Variants in PPARG observed in about 807,000 individuals in gnomAD.
PPARG encodes peroxisome proliferator-activated receptor gamma.
A neutral mutation model predicts 39.2 loss-of-function variants in PPARG; 17 were observed. The observed-to-expected ratio is 0.43, with a 90% CI of 0.30 to 0.65. The LOEUF (loss-of-function observed/expected upper bound fraction) is 0.65. Ranked by LOEUF, PPARG falls within the 30% of genes least tolerant of loss-of-function variation. PPARG has a pLI of 0.13. For synonymous variants in PPARG, 223 were observed against 215.7 expected (o/e 1.03, Z -0.30); for missense variants, 406 against 585.9 (o/e 0.69, Z 3.17).
intron 1 of PPARG, among the ~76,000 whole-genome samples, chr3:12,295,557 A>G (rs1342952346): frequency 6.7e-6 from 1 of 150,216 alleles, no homozygotes; most frequent in Non-Finnish European, 1.5e-5. Context: ...CTTGTTGCCC[A>G]GGTTGGAGTG....
intron 2 of PPARG, among the ~76,000 whole-genome samples, chr3:12,320,131 G>A (rs575909150): frequency 1.3e-5 from 2 of 152,294 alleles, no homozygotes; most frequent in Admixed American, 1.3e-4. Flanking sequence ...TTTGCAGTAA[G>A]GATTGATTGT....
chr3:12,386,026 A>G (rs1295914923), intron 4 of PPARG, among the ~76,000 whole-genome samples: 7 of 152,172 alleles, frequency 4.6e-5, no homozygotes, highest in African/African-American at 1.2e-4. Flanking sequence ...ACACAAAACA[A>G]TTTTCTCAGA....
At chr3:12,328,279 G>C in intron 2 of PPARG, 1 of 1,466,168 alleles carries the variant, frequency 6.8e-7, no homozygotes, top group Non-Finnish European at 9.4e-7. Flanking sequence ...GCCCAGTAGG[G>C]AGCCTCTCTG....
intron 1 of PPARG, among the ~76,000 whole-genome samples, chr3:12,298,179 G>A (rs1286250310): frequency 2.7e-5 from 4 of 147,182 alleles, no homozygotes; most frequent in Admixed American, 2.0e-4. Flanking sequence ...GGCGCCTGTA[G>A]TCCCAGCTAC....
intron 2 of PPARG, among the ~76,000 whole-genome samples, chr3:12,315,702 G>A (rs1194143738): frequency 6.6e-6 from 1 of 152,092 alleles, no homozygotes; most frequent in Non-Finnish European, 1.5e-5. Flanking sequence ...ACCTCTACAA[G>A]TCTGGTCTCT....
At chr3:12,335,056 G>A (rs1342015561) in intron 2 of PPARG, among the ~76,000 whole-genome samples, 2 of 152,210 alleles carry the variant, frequency 1.3e-5, no homozygotes, top group African/African-American at 2.4e-5. Context: ...TAATTTTCTT[G>A]TAAGGTAGTT....
intron 6 of PPARG, among the ~76,000 whole-genome samples, chr3:12,407,249 C>A (rs533415143): frequency 1.3e-5 from 2 of 152,232 alleles, no homozygotes; most frequent in East Asian, 3.9e-4. Flanking sequence ...CAACCTCCAC[C>A]TCCCTGGTTC....
At chr3:12,369,508 A>G (rs1156438488) in intron 2 of PPARG, among the ~76,000 whole-genome samples, 1 of 152,146 alleles carries the variant, frequency 6.6e-6, no homozygotes, top group Non-Finnish European at 1.5e-5. Flanking sequence ...AATTATAATA[A>G]TAATAACTTA....
intron 5 of PPARG, among the ~76,000 whole-genome samples, chr3:12,399,924 CAG>C (rs1378488086): frequency 6.6e-6 from 1 of 150,398 alleles, no homozygotes; most frequent in Non-Finnish European, 1.5e-5. Context: ...CAGAAGGTTG[CAG>C]TGAGCTACGA....
chr3:12,412,140 C>T lies in PPARG; in HGVS notation c.730-4564C>T, dbSNP rs1386933029. Among the ~76,000 whole-genome samples the T allele has an allele frequency of 2.0e-5, 3 of 152,126 alleles. No homozygotes were observed. In the South Asian group the frequency reaches 6.2e-4, roughly 32 times the overall value. The stretch of plus-strand genomic sequence containing the variant: ...TTGAGTGATTTTCATGTTTATCTCC[C>T]GTAGCTTGCTATTTTGTTATTCAAA... On this transcript the variant is annotated intron_variant, in intron 6 of 7. Transcript: ENST00000651735.
chr3:12,287,839 C>T (rs1252548019), upstream of PPARG: 9 of 137,518 alleles, frequency 6.5e-5, no homozygotes, highest in Non-Finnish European at 3.2e-5. Flanking sequence ...CCCCCACCCC[C>T]ACCCCCAGCC....
At chr3:12,310,915 C>T (rs1002375829) in intron 1 of PPARG, among the ~76,000 whole-genome samples, 3 of 150,300 alleles carry the variant, frequency 2.0e-5, no homozygotes, top group African/African-American at 7.3e-5. Flanking sequence ...TGTGGGTGCT[C>T]CTTTCATTTC....
chr3:12,402,753 C>T (rs973287723), intron 5 of PPARG, among the ~76,000 whole-genome samples: 1 of 152,112 alleles, frequency 6.6e-6, no homozygotes, highest in Non-Finnish European at 1.5e-5. Flanking sequence ...ATAGGCTCTG[C>T]CTCCCCTACC....
In PPARG at chr3:12,406,100, T is replaced by C. The variant is rs1462688663; in HGVS notation, c.729+19T>C. ...CAAATCAGTTAGTTCTCTTCTGCTG[T>C]CTTCATTGGGGGAGGCGGGAAGTTG... is the stretch of plus-strand genomic sequence containing the variant. On this transcript the variant is annotated intron_variant, in intron 6 of 7. Coordinates refer to ENST00000651735, the MANE Select transcript of PPARG (RefSeq NM_138711.6). 5.6e-6 allele frequency: 9 copies of C among 1,612,732 alleles called. No individual in the cohort carries two copies. Among genetic ancestry groups the C allele is most frequent in the Non-Finnish European group, 5.9e-6 (7 of 1,179,254 alleles).
chr3:12,339,871 C>T (rs150701552), intron 2 of PPARG, among the ~76,000 whole-genome samples: 210 of 152,350 alleles, frequency 1.4e-3, no homozygotes, highest in African/African-American at 4.9e-3. Flanking sequence ...TTCAGCATGG[C>T]ATATGTGGCA....
chr3:12,348,322 C>T (rs2048384512), intron 2 of PPARG, among the ~76,000 whole-genome samples: 1 of 152,092 alleles, frequency 6.6e-6, no homozygotes, highest in Non-Finnish European at 1.5e-5. Context: ...GTTGAATTGC[C>T]TTCTCCTAAA....
intron 7 of PPARG, among the ~76,000 whole-genome samples, chr3:12,421,303 T>C (rs1296852079): frequency 1.3e-5 from 2 of 152,214 alleles, no homozygotes; most frequent in East Asian, 3.9e-4. Context: ...TTGGTCATCA[T>C]GGTAAACAAT....
intron 2 of PPARG, among the ~76,000 whole-genome samples, chr3:12,376,682 T>C (rs2049424778): frequency 6.6e-6 from 1 of 152,190 alleles, no homozygotes; most frequent in Non-Finnish European, 1.5e-5. Flanking sequence ...AGGTAGGATG[T>C]ACCGGGCACA....
intron 7 of PPARG, among the ~76,000 whole-genome samples, chr3:12,423,617 A>G (rs1320261344): frequency 6.6e-6 from 1 of 152,208 alleles, no homozygotes; most frequent in Non-Finnish European, 1.5e-5. Flanking sequence ...ATCTGCTAGC[A>G]TCTACATTAC....
Sources: allele counts gnomAD v4.1 joint callset (sites outside exome capture counted in the v4.1 genomes callset), GRCh38; gene constraint gnomAD v4.1.1; transcripts MANE v1.5; gene names NCBI Gene and HGNC (gene_info 2026-07-23, HGNC 2026-07-21).